Variants in ARHGAP32 observed in about 807,000 individuals in gnomAD.
ARHGAP32 encodes the protein Rho GTPase activating protein 32, also known as rho GTPase-activating protein 32.
ARHGAP32 carries 51 observed loss-of-function variants against 186.5 expected under a neutral mutation model. The ratio of observed to expected loss-of-function variants is 0.27; its 90% CI spans 0.22 to 0.35. The LOEUF (loss-of-function observed/expected upper bound fraction) is 0.35. Ranked by LOEUF, ARHGAP32 falls within the 10% of genes least tolerant of loss-of-function variation. ARHGAP32 has a pLI of 1.00. For synonymous variants in ARHGAP32, 950 were observed against 964.3 expected (o/e 0.99, Z 0.27); for missense variants, 2,186 against 2,623.5 (o/e 0.83, Z 3.64).
chr11:129,063,976 T>G lies in ARHGAP32; in HGVS notation c.811A>C (p.Asn271His). The G allele has an allele frequency of 6.2e-7, 1 of 1,612,822 alleles. No individual in the cohort carries two copies. Among genetic ancestry groups the G allele is most frequent in the Non-Finnish European group, 8.5e-7 (1 of 1,179,244 alleles). The change falls in exon 9 of 23, where the codon AAC becomes CAC. Residue 271 changes from asparagine to histidine, a missense_variant. Around this residue, in one of 5 missense-constraint regions of ARHGAP32, gnomAD observed 308 missense variants for 596.5 expected, o/e 0.52. Transcript: ENST00000682385. ...HLLVHEESSI[N>H]TPAVGAAHVI... is the part of the protein sequence containing the mutation. ...TGGGCAGCACCGACAGCAGGAGTGT[T>G]GATGGATGACTCCTCATGAACCAAA... is the stretch of plus-strand genomic sequence containing the variant.
chr11:129,122,410 CAG>C (rs1342654395), intron 5 of ARHGAP32, among the ~76,000 whole-genome samples: 1 of 151,648 alleles, frequency 6.6e-6, no homozygotes, highest in African/African-American at 2.4e-5. Flanking sequence ...ATCACTCAAA[CAG>C]ATATATCAAA....
chr11:129,157,604 C>G (rs748446496), intron 2 of ARHGAP32, among the ~76,000 whole-genome samples: 1 of 152,058 alleles, frequency 6.6e-6, no homozygotes, highest in Non-Finnish European at 1.5e-5. Context: ...CTATCTTTGG[C>G]TGGTGTACCT....
At chr11:129,165,521 C>T (rs1445934832) in intron 1 of ARHGAP32, among the ~76,000 whole-genome samples, 1 of 149,504 alleles carries the variant, frequency 6.7e-6, no homozygotes, top group African/African-American at 2.5e-5. Flanking sequence ...AAAAAACATT[C>T]TCCAGACTCT....
intron 2 of ARHGAP32, among the ~76,000 whole-genome samples, chr11:129,144,464 C>T (rs1326720236): frequency 1.3e-5 from 2 of 152,160 alleles, no homozygotes; most frequent in Admixed American, 6.5e-5. Flanking sequence ...TAAGAAAACT[C>T]AAGAGCTCTG....
At chr11:129,223,954 A>C (rs948813445) in intron 1 of ARHGAP32, among the ~76,000 whole-genome samples, 9 of 152,226 alleles carry the variant, frequency 5.9e-5, no homozygotes, top group African/African-American at 2.2e-4. Context: ...CAGAAACGTC[A>C]GGGTGGAAAT....
chr11:129,252,815 T>G (rs1945203337), intron 1 of ARHGAP32, among the ~76,000 whole-genome samples: 1 of 152,202 alleles, frequency 6.6e-6, no homozygotes, highest in Non-Finnish European at 1.5e-5. Context: ...CATGAAAGCC[T>G]TTGTAAACGC....
rs1945488017 is a variant in ARHGAP32, at chr11:128,974,510, G to A, written c.2687C>T (p.Ser896Phe). 3 of 1,614,074 alleles carry A rather than the reference G, an allele frequency of 1.9e-6. No homozygotes were observed. The African/African-American group carries it at 4.0e-5, about 22-fold the overall frequency. Residue 896 changes from serine to phenylalanine, a missense_variant, in exon 21 of 23, where the codon TCC (serine) becomes TTC (phenylalanine). Around this residue, in one of 5 missense-constraint regions of ARHGAP32, gnomAD observed 1,502 missense variants for 1,570.0 expected, o/e 0.96. Transcript: ENST00000682385. ...AGCATAGACGACCTTTTCAGTAAAGGAGGATGGCTTAGATGATTTATCTTC... is the reference window on the plus strand; with the variant it reads ...AGCATAGACGACCTTTTCAGTAAAGAAGGATGGCTTAGATGATTTATCTTC... ...PTEDKSSKPSSFTEKVVYAFS... is the reference protein window; with the variant it reads ...PTEDKSSKPSFFTEKVVYAFS...
At chr11:129,221,717 G>C (rs1324935161) in intron 1 of ARHGAP32, among the ~76,000 whole-genome samples, 2 of 151,992 alleles carry the variant, frequency 1.3e-5, no homozygotes, top group Non-Finnish European at 2.9e-5. Context: ...CTAAAGCTGA[G>C]GCCAATAGTG....
intron 21 of ARHGAP32, chr11:128,973,869 T>A (rs1359773026): frequency 1.9e-6 from 1 of 540,466 alleles, no homozygotes; most frequent in Admixed American, 3.6e-5. Context: ...GTGCAAAAAT[T>A]ATCCACGAAT....
intron 5 of ARHGAP32, among the ~76,000 whole-genome samples, chr11:129,119,819 A>G (rs1457345429): frequency 6.6e-6 from 1 of 152,008 alleles, no homozygotes; most frequent in Non-Finnish European, 1.5e-5. Context: ...AGGAAACAAA[A>G]AGTACCAAGG....
chr11:128,981,439 C>A lies in ARHGAP32; in HGVS notation c.1757G>T (p.Ser586Ile). 1 of 1,610,074 alleles carries A rather than the reference C, an allele frequency of 6.2e-7. No individual in the cohort carries two copies. Among genetic ancestry groups the A allele is most frequent in the Non-Finnish European group, 8.5e-7 (1 of 1,177,354 alleles). The change falls in exon 17 of 23, where the codon AGC becomes ATC. Residue 586 changes from serine (S) to isoleucine (I), a missense_variant. By Grantham distance (142) the Ser-to-Ile change is moderately radical. Transcript: ENST00000682385. ...ACCTGCCCCCTCTTGCATGGCCATG[C>A]TGATTCTGCCGCTGAACAGCACATC... Reference protein sequence around the residue: ...HVDVLFSGRISMAMQEGAASL... With the variant: ...HVDVLFSGRIIMAMQEGAASL...
At chr11:129,250,365 T>C (rs1945164595) in intron 1 of ARHGAP32, among the ~76,000 whole-genome samples, 1 of 152,238 alleles carries the variant, frequency 6.6e-6, no homozygotes. Flanking sequence ...GCCACTGAAC[T>C]ATAACCTGTG....
At chr11:129,238,127 A>G (rs1330671489) in intron 1 of ARHGAP32, among the ~76,000 whole-genome samples, 2 of 152,116 alleles carry the variant, frequency 1.3e-5, no homozygotes, top group African/African-American at 4.8e-5. Context: ...GACTAACCCT[A>G]ATTTCTCTTC....
chr11:129,269,261 G>A (rs2135723832), intron 1 of ARHGAP32, among the ~76,000 whole-genome samples: 1 of 151,470 alleles, frequency 6.6e-6, no homozygotes, highest in South Asian at 2.1e-4. Flanking sequence ...ACAAAATGAG[G>A]CCCTCTCTCG....
chr11:129,240,300 T>C (rs1431870096), intron 1 of ARHGAP32, among the ~76,000 whole-genome samples: 1 of 152,114 alleles, frequency 6.6e-6, no homozygotes, highest in Admixed American at 6.5e-5. Flanking sequence ...TTTCTAGCAC[T>C]TACTAGCTAT....
intron 1 of ARHGAP32, among the ~76,000 whole-genome samples, chr11:129,229,752 C>T (rs938116946): frequency 6.6e-6 from 1 of 152,166 alleles, no homozygotes; most frequent in South Asian, 2.1e-4. Context: ...ACTTGCATCA[C>T]TTTTGGTAGA....
intron 5 of ARHGAP32, among the ~76,000 whole-genome samples, chr11:129,113,685 T>G (rs1942287633): frequency 6.6e-6 from 1 of 152,086 alleles, no homozygotes; most frequent in Admixed American, 6.6e-5. Flanking sequence ...ACCCATACAG[T>G]TCAAACCCAT....
intron 2 of ARHGAP32, among the ~76,000 whole-genome samples, chr11:129,125,437 T>C (rs1328696886): frequency 6.6e-6 from 1 of 152,056 alleles, no homozygotes; most frequent in African/African-American, 2.4e-5. Context: ...ATCAAAAAGT[T>C]CTTAACACTC....
intron 1 of ARHGAP32, among the ~76,000 whole-genome samples, chr11:129,191,647 A>AAAGC (rs545493639): frequency 1.0e-3 from 135 of 131,856 alleles, no homozygotes; most frequent in African/African-American, 3.5e-3. Flanking sequence ...TAAGGCAAAC[A>AAAGC]AAGCAGGCAG....
Sources: allele counts gnomAD v4.1 joint callset (sites outside exome capture counted in the v4.1 genomes callset), GRCh38; gene constraint gnomAD v4.1.1; regional missense constraint gnomAD v4.1.1; transcripts MANE v1.5; gene names NCBI Gene and HGNC (gene_info 2026-07-23, HGNC 2026-07-21).